GPC5: variants seen among roughly 807,000 people sequenced by gnomAD.
The protein encoded by GPC5 is glypican 5.
GPC5 carries 47 observed loss-of-function variants against 53.9 expected under a neutral mutation model. That is an observed-to-expected ratio of 0.87 (90% confidence interval 0.69 to 1.11). The LOEUF is 1.11. Ranked by LOEUF, GPC5 falls within the 50% of genes most tolerant of loss-of-function variation. GPC5 has a pLI of 0.00. For missense variants in GPC5, 748 were observed against 713.1 expected (o/e 1.05, Z -0.56); for synonymous variants, 286 against 263.3 (o/e 1.09, Z -0.84).
chr13:91,650,756 T>G (rs200645990), intron 2 of GPC5, among the ~76,000 whole-genome samples: 52 of 127,032 alleles, frequency 4.1e-4, no homozygotes, highest in East Asian at 3.4e-3. Context: ...ATAAGTTTTT[T>G]TTTTTTTTTT....
At chr13:91,936,625 G>A (rs1293263746) in intron 6 of GPC5, among the ~76,000 whole-genome samples, 1 of 152,034 alleles carries the variant, frequency 6.6e-6, no homozygotes, top group Non-Finnish European at 1.5e-5. Context: ...TATCCAACAT[G>A]TTCCATTGTT....
intron 2 of GPC5, among the ~76,000 whole-genome samples, chr13:91,687,135 A>C (rs971886006): frequency 2.0e-5 from 3 of 152,018 alleles, no homozygotes; most frequent in Non-Finnish European, 4.4e-5. Flanking sequence ...AGGTTATTAT[A>C]ACAGTTATTC....
chr13:92,582,409 A>T (rs1292776788), intron 7 of GPC5, among the ~76,000 whole-genome samples: 1 of 152,056 alleles, frequency 6.6e-6, no homozygotes, highest in Non-Finnish European at 1.5e-5. Context: ...TTTGATTCCT[A>T]TAGCTTTAGA....
intron 6 of GPC5, among the ~76,000 whole-genome samples, chr13:92,094,797 T>A (rs1384785893): frequency 6.6e-6 from 1 of 151,622 alleles, no homozygotes; most frequent in East Asian, 1.9e-4. Context: ...TTATTCCAAT[T>A]CTTTTGTTCA....
intron 7 of GPC5, among the ~76,000 whole-genome samples, chr13:92,725,345 C>G (rs1415055372): frequency 2.0e-5 from 3 of 151,448 alleles, no homozygotes; most frequent in African/African-American, 4.8e-5. Flanking sequence ...TAATCCTTTT[C>G]TACATTTAAA....
chr13:91,495,132 C>A (rs1884176023), intron 2 of GPC5, among the ~76,000 whole-genome samples: 1 of 152,170 alleles, frequency 6.6e-6, no homozygotes, highest in African/African-American at 2.4e-5. Context: ...CTGAAGTCAT[C>A]CTTGATTCCT....
intron 6 of GPC5, among the ~76,000 whole-genome samples, chr13:91,954,200 G>A (rs1296646811): frequency 6.6e-6 from 1 of 151,998 alleles, no homozygotes; most frequent in Non-Finnish European, 1.5e-5. Flanking sequence ...GTATGCTAAA[G>A]ATAAGAAAAA....
chr13:91,468,465 A>G (rs1048063180), intron 2 of GPC5, among the ~76,000 whole-genome samples: 4 of 152,168 alleles, frequency 2.6e-5, no homozygotes, highest in African/African-American at 7.2e-5. Flanking sequence ...GGCCTTATAT[A>G]AAAGAGGAAT....
intron 2 of GPC5, among the ~76,000 whole-genome samples, chr13:91,508,338 A>G (rs919070558): frequency 2.0e-5 from 3 of 152,174 alleles, no homozygotes; most frequent in African/African-American, 7.2e-5. Flanking sequence ...TTGTGAAAAC[A>G]TGTCTGGTAG....
At chr13:92,142,955 A>ATGTGTTC (rs759884644) in intron 6 of GPC5, among the ~76,000 whole-genome samples, 3 of 152,156 alleles carry the variant, frequency 2.0e-5, no homozygotes, top group Non-Finnish European at 4.4e-5. Flanking sequence ...CTTTCAATTA[A>ATGTGTTC]TGTGTTCTGG....
chr13:91,586,515 T>G (rs1716157564), intron 2 of GPC5, among the ~76,000 whole-genome samples: 2 of 15,316 alleles, frequency 1.3e-4, no homozygotes, highest in African/African-American at 1.5e-3. Flanking sequence ...TATATATATA[T>G]ATATATATAT....
At position 91,448,479 on chromosome 13, in the gene GPC5, C is replaced by G. The variant is rs948240324; in HGVS notation, c.164-282C>G. ...ACAAAAAACCTTTTTCTTGATTGAG[C>G]GCTGTACTTCATAGTAGTTAATTTG... On this transcript the variant is annotated intron_variant, in intron 1 of 7. Coordinates refer to ENST00000377067, the MANE Select transcript of GPC5 (RefSeq NM_004466.6). Among the ~76,000 whole-genome samples the G allele has an allele frequency of 3.3e-5, 5 of 152,088 alleles. No homozygotes were observed. The East Asian group carries it at 9.7e-4, about 29-fold the overall frequency.
chr13:92,385,680 CACACATATATACCTATAT>C (rs1405480162), intron 7 of GPC5, among the ~76,000 whole-genome samples: 1 of 140,578 alleles, frequency 7.1e-6, no homozygotes, highest in African/African-American at 2.7e-5. Flanking sequence ...TACATATATA[CACACATATATACCTATAT>C]ACACATATAT....
At chr13:92,804,044 T>C (rs550599187) in intron 7 of GPC5, among the ~76,000 whole-genome samples, 4 of 152,110 alleles carry the variant, frequency 2.6e-5, no homozygotes, top group African/African-American at 9.6e-5. Context: ...AAGTAAACTA[T>C]TGGTGGGCAC....
intron 2 of GPC5, among the ~76,000 whole-genome samples, chr13:91,466,749 T>C (rs1431855719): frequency 3.9e-5 from 6 of 152,074 alleles, no homozygotes; most frequent in African/African-American, 1.4e-4. Flanking sequence ...GGGAGGAACC[T>C]AGGATCAACA....
intron 5 of GPC5, among the ~76,000 whole-genome samples, chr13:91,887,329 C>T (rs568373674): frequency 1.2e-3 from 176 of 152,262 alleles, no homozygotes; most frequent in African/African-American, 4.1e-3. Flanking sequence ...GGGGCACCTG[C>T]ACCTGGCCCA....
At chr13:91,853,999 A>AT (rs1485094945) in intron 5 of GPC5, among the ~76,000 whole-genome samples, 3 of 151,074 alleles carry the variant, frequency 2.0e-5, no homozygotes, top group East Asian at 1.9e-4. Flanking sequence ...CACTATGGTT[A>AT]TTTTTTTTCC....
intron 4 of GPC5, among the ~76,000 whole-genome samples, chr13:91,754,592 A>G (rs551122199): frequency 6.6e-6 from 1 of 152,256 alleles, no homozygotes; most frequent in African/African-American, 2.4e-5. Flanking sequence ...CTGATTCCGA[A>G]CAAGTGATCA....
At chr13:92,171,425 A>G (rs1369480417) in intron 7 of GPC5, among the ~76,000 whole-genome samples, 18 of 152,112 alleles carry the variant, frequency 1.2e-4, no homozygotes, top group Admixed American at 1.1e-3. Flanking sequence ...TCCTCCACTG[A>G]CTTTTACTAC....
Sources: allele counts gnomAD v4.1 joint callset (sites outside exome capture counted in the v4.1 genomes callset), GRCh38; gene constraint gnomAD v4.1.1; transcripts MANE v1.5; gene names NCBI Gene and HGNC (gene_info 2026-07-23, HGNC 2026-07-21).